The following ANP32B variants were observed in gnomAD, a reference collection of about 807,000 sequenced individuals.
ANP32B encodes acidic nuclear phosphoprotein 32 family member B, also known as acidic leucine-rich nuclear phosphoprotein 32 family member B.
ANP32B carries 6 observed loss-of-function variants against 32.2 expected under a neutral mutation model. That is an observed-to-expected ratio of 0.19 (90% confidence interval 0.10 to 0.37). The LOEUF (loss-of-function observed/expected upper bound fraction) is 0.37, where lower values mean the gene tolerates loss of function less well. Among genes scored for constraint, ANP32B ranks in the 10% least tolerant of loss-of-function variants. ANP32B has a pLI of 1.00. For synonymous variants in ANP32B, 98 were observed against 105.8 expected, an observed-to-expected ratio of 0.93 and a Z score of 0.45; for missense variants, 204 against 289.2, an observed-to-expected ratio of 0.71 and a Z score of 2.14.
chr9:97,995,930 TAAAAAAAAAAA>T (rs570340593), intron 2 of ANP32B, among the ~76,000 whole-genome samples: 1 of 116,660 alleles, frequency 8.6e-6, no homozygotes, highest in South Asian at 2.7e-4. Flanking sequence ...TGTCTCGATT[TAAAAAAAAAAA>T]AAAAAAAAAA....
At chr9:97,998,352 T>A (rs1463696412) in intron 2 of ANP32B, among the ~76,000 whole-genome samples, 1 of 152,236 alleles carries the variant, frequency 6.6e-6, no homozygotes, top group African/African-American at 2.4e-5. Flanking sequence ...AGCAGCTGAT[T>A]AGGAAAACAC....
chr9:97,990,632 T>C (rs1827807451), intron 1 of ANP32B, among the ~76,000 whole-genome samples: 1 of 152,156 alleles, frequency 6.6e-6, no homozygotes, highest in Non-Finnish European at 1.5e-5. Flanking sequence ...TTATTGCCTC[T>C]TACTGGTAGA....
At chr9:97,991,153 T>C (rs1024292285) in intron 1 of ANP32B, among the ~76,000 whole-genome samples, 1 of 151,074 alleles carries the variant, frequency 6.6e-6, no homozygotes, top group Non-Finnish European at 1.5e-5. Flanking sequence ...TGGGTCTCTG[T>C]GGCCCAAGCT....
chr9:97,993,067 A>G (rs553630061), intron 1 of ANP32B, among the ~76,000 whole-genome samples: 3 of 152,336 alleles, frequency 2.0e-5, no homozygotes, highest in African/African-American at 7.2e-5. Flanking sequence ...AGATGTGCCC[A>G]TTTCTTATCA....
intron 3 of ANP32B, among the ~76,000 whole-genome samples, chr9:98,000,409 G>A (rs1473149380): frequency 6.6e-6 from 1 of 152,092 alleles, no homozygotes; most frequent in Admixed American, 6.5e-5. Context: ...AGATACTCGG[G>A]CTCTTACTAG....
At chr9:98,001,106 T>G (rs1827982655) in intron 3 of ANP32B, among the ~76,000 whole-genome samples, 1 of 152,054 alleles carries the variant, frequency 6.6e-6, no homozygotes, top group South Asian at 2.1e-4. Flanking sequence ...AGCCTTTGTT[T>G]ATTGGTTAGT....
Position 97,986,543 on chromosome 9 carries a change from A to G in ANP32B, c.54+2934A>G, listed in dbSNP as rs1827738083. The stretch of plus-strand genomic sequence containing the variant: ...GCTGTAGATTTTGAAGGAAATTCTA[A>G]AAGAGAGTTTAAAGTGTTTTCGCAC... On this transcript the variant is annotated intron_variant, in intron 1 of 6. Transcript: ENST00000339399. 3 of 152,256 alleles carry G rather than the reference A, an allele frequency of 2.0e-5. No individual in the cohort carries two copies. In the South Asian group the frequency reaches 6.2e-4, roughly 31 times the overall value. 9.4% of individuals were successfully genotyped at this position (152,256 alleles called of 1,614,324 possible).
intron 6 of ANP32B, among the ~76,000 whole-genome samples, chr9:98,013,889 G>A (rs563149247): frequency 1.3e-5 from 2 of 152,262 alleles, no homozygotes; most frequent in South Asian, 4.1e-4. Context: ...ACATGGTGGT[G>A]CACACCTATA....
rs759906239 is a variant in ANP32B at position 98,005,196 on chromosome 9, A to G, written c.517+43A>G. 4.4e-5 allele frequency: 70 copies of G among 1,585,642 alleles called. No homozygotes were observed. In the Middle Eastern group the frequency reaches 5.1e-4, roughly 11 times the overall value. The stretch of plus-strand genomic sequence containing the variant: ...CTGGTGAACCTGATGTCTGCCTTTC[A>G]AAGCCTCTGATAAAAGCTATTGGAT... On this transcript the variant is annotated intron_variant, in intron 4 of 6. Transcript: ENST00000339399.
rs1200454095 is a variant in ANP32B, at chr9:98,015,609, C to G, written c.*178C>G. ...TCCGCCTTCCTTCCATGTAGTCCCT[C>G]TTGGTAATCTACCACCAAGCTTGTG... On this transcript the variant is annotated 3_prime_UTR_variant, in exon 7 of 7. Transcript: ENST00000339399. 3.0e-6 allele frequency: 4 copies of G among 1,323,644 alleles called. No individual in the cohort carries two copies. Among genetic ancestry groups the G allele is most frequent in the Non-Finnish European group, 3.9e-6 (4 of 1,029,618 alleles). The allele number at this position is 1,323,644 out of a possible 1,614,324, so 82.0% of individuals were successfully genotyped here.
At chr9:98,001,434 C>G (rs974580482) in intron 3 of ANP32B, among the ~76,000 whole-genome samples, 1 of 152,112 alleles carries the variant, frequency 6.6e-6, no homozygotes, top group Non-Finnish European at 1.5e-5. Flanking sequence ...GCTCGTGATC[C>G]GCCTGCCTCA....
intron 1 of ANP32B, chr9:97,984,810 G>C (rs1386830259): frequency 1.3e-5 from 2 of 150,230 alleles, no homozygotes; most frequent in African/African-American, 4.9e-5. Flanking sequence ...CTTCTTAAAA[G>C]GGCAACGGCA....
At chr9:97,995,919 C>CT (rs1223008247) in intron 2 of ANP32B, among the ~76,000 whole-genome samples, 2 of 140,444 alleles carry the variant, frequency 1.4e-5, no homozygotes, top group Non-Finnish European at 3.0e-5. Flanking sequence ...GAGCAAGACT[C>CT]TGTCTCGATT....
intron 4 of ANP32B, among the ~76,000 whole-genome samples, chr9:98,006,994 C>A (rs7044744): frequency 0.57 from 86,698 of 151,346 alleles, 26,501 homozygotes; most frequent in African/African-American, 0.79. Context: ...TCTCAAAAAA[C>A]AAACAAACAA....
Position 98,013,769 on chromosome 9 carries a change from C to T in ANP32B, c.688+1297C>T, listed in dbSNP as rs189253628. Among the ~76,000 whole-genome samples, 25 of 151,804 alleles carry T rather than the reference C, an allele frequency of 1.6e-4. No individual in the cohort carries two copies. In the East Asian group the frequency reaches 2.7e-3, roughly 17 times the overall value. ...AAAAAATTAGTCAGGCGTGGTGGCA[C>T]GCACTCAAACCCAGGAGGCAGAGAT... On this transcript the variant is annotated intron_variant, in intron 6 of 6. Coordinates refer to ENST00000339399, the MANE Select transcript of ANP32B (RefSeq NM_006401.3).
At chr9:98,003,653 G>T (rs1390011713) in intron 3 of ANP32B, among the ~76,000 whole-genome samples, 1 of 152,122 alleles carries the variant, frequency 6.6e-6, no homozygotes, top group Admixed American at 6.6e-5. Context: ...GTTTTGTTTT[G>T]TCTGCATTTC....
At chr9:98,008,183 A>T (rs1230722582) in intron 4 of ANP32B, among the ~76,000 whole-genome samples, 1 of 152,104 alleles carries the variant, frequency 6.6e-6, no homozygotes, top group East Asian at 1.9e-4. Flanking sequence ...GTGTCCATGT[A>T]TACTCATCAT....
intron 1 of ANP32B, chr9:97,986,548 G>A (rs1346275031): frequency 6.6e-6 from 1 of 152,248 alleles, no homozygotes; most frequent in African/African-American, 2.4e-5. Flanking sequence ...TTCTAAAAGA[G>A]AGTTTAAAGT....
chr9:97,984,385 C>G (rs1587868477), intron 1 of ANP32B, among the ~76,000 whole-genome samples: 1 of 151,556 alleles, frequency 6.6e-6, no homozygotes, highest in Non-Finnish European at 1.5e-5. Context: ...CGCCCTCGGC[C>G]TTGCCCACTC....
Sources: gnomAD v4.1 joint callset for allele counts (sites outside exome capture counted in the v4.1 genomes callset) on GRCh38, gnomAD v4.1.1 for gene constraint, MANE v1.5 for transcripts, NCBI Gene and HGNC (gene_info 2026-07-23, HGNC 2026-07-21) for gene names.